Variants in ADGRG5 observed in about 807,000 individuals in gnomAD.
ADGRG5 encodes the protein G protein-coupled receptor 114.
In ADGRG5, 37 loss-of-function variants were observed where a neutral mutation model predicts 53.2. That is an observed-to-expected ratio of 0.70 (90% CI 0.53 to 0.91). The LOEUF is 0.91. Among genes scored for constraint, ADGRG5 ranks in the 40% least tolerant of loss-of-function variants. The pLI, the probability that ADGRG5 is intolerant of heterozygous loss-of-function variation, is 0.00. For missense variants in ADGRG5, 614 were observed against 675.8 expected, an observed-to-expected ratio of 0.91 and a Z score of 1.01; for synonymous variants, 277 against 290.4, an observed-to-expected ratio of 0.95 and a Z score of 0.47.
chr16:57,562,410 A>T lies in ADGRG5; in HGVS notation c.91A>T (p.Met31Leu), dbSNP rs114089767. ...TETWEELLSY[M>L]ENMQVSRGRS... is the part of the protein sequence containing the mutation. ...GACATGGGAAGAACTCCTGAGCTAC[A>T]TGGAGAATATGCAGGTGTCCAGGGG... Residue 31 changes from methionine (M) to leucine (L), a missense_variant, in exon 3 of 12, where the codon ATG (methionine) becomes TTG (leucine). Met to Leu is a conservative substitution (Grantham distance 15). Transcript: ENST00000349457. 311 of 1,607,648 alleles carry T rather than the reference A, an allele frequency of 1.9e-4. 2 individuals carry two copies. The African/African-American group carries it at 3.7e-3, about 19-fold the overall frequency.
chr16:57,547,746 C>CTGTTTTT (rs200706810), intron 1 of ADGRG5, among the ~76,000 whole-genome samples: 12,432 of 151,796 alleles, frequency 0.082, 690 homozygotes, highest in East Asian at 0.21. Context: ...TGCGCCCAGC[C>CTGTTTTT]TGTTTTTTGT....
chr16:57,550,167 G>C (rs574449111), intron 1 of ADGRG5, among the ~76,000 whole-genome samples: 1 of 152,112 alleles, frequency 6.6e-6, no homozygotes, highest in African/African-American at 2.4e-5. Context: ...AGTAGAGACA[G>C]GGGTTTCACC....
chr16:57,544,057 TTTCTC>T (rs1426956828), intron 1 of ADGRG5, among the ~76,000 whole-genome samples: 1 of 152,172 alleles, frequency 6.6e-6, no homozygotes. Flanking sequence ...CAGCTCCTCA[TTTCTC>T]TATTGGCCTA....
At chr16:57,541,456 G>A (rs147776064), upstream of ADGRG5, among the ~76,000 whole-genome samples, 282 of 152,294 alleles carry the variant, frequency 1.9e-3, no homozygotes, top group Non-Finnish European at 3.4e-3. Context: ...CCAGGAGTCA[G>A]GACACAGGTG....
intron 10 of ADGRG5, among the ~76,000 whole-genome samples, 159 bp downstream of exon 10, chr16:57,570,694 T>A (rs775709686): frequency 1.5e-4 from 23 of 152,136 alleles, no homozygotes; most frequent in Non-Finnish European, 2.5e-4. Context: ...CTCCACCACA[T>A]CCCTTCCATG....
intron 1 of ADGRG5, among the ~76,000 whole-genome samples, chr16:57,553,661 A>G (rs1400073159): frequency 6.6e-6 from 1 of 152,202 alleles, no homozygotes; most frequent in Non-Finnish European, 1.5e-5. Context: ...TTGTCAATTC[A>G]AGATCCTTTG....
chr16:57,575,605 C>A lies in ADGRG5; in HGVS notation c.*67C>A. ...CAGTAGCCTGAGGCTACGGCTCCTG[C>A]TAGAGAGGGTGGCAGGCCTGCTGCT... On this transcript the variant is annotated 3_prime_UTR_variant, in exon 12 of 12. Transcript: ENST00000349457. 7.6e-7 allele frequency: 1 copy of A among 1,319,218 alleles called. No individual in the cohort carries two copies. Among genetic ancestry groups the A allele is most frequent in the Non-Finnish European group, 1.1e-6 (1 of 920,046 alleles). The allele number at this position is 1,319,218 out of a possible 1,614,324, so 81.7% of individuals were successfully genotyped here.
upstream of ADGRG5, among the ~76,000 whole-genome samples, chr16:57,538,168 G>A (rs1264370950): frequency 6.6e-6 from 1 of 152,194 alleles, no homozygotes; most frequent in Non-Finnish European, 1.5e-5. Flanking sequence ...TTTTGCAGGG[G>A]CTAGGGTGGG....
At chr16:57,544,588 T>G (rs2032572107) in intron 1 of ADGRG5, among the ~76,000 whole-genome samples, 3 of 152,170 alleles carry the variant, frequency 2.0e-5, no homozygotes, top group Admixed American at 2.0e-4. Flanking sequence ...GAGCCTGGTC[T>G]TACACCTTGC....
At chr16:57,557,442 T>C (rs1313601757) in intron 1 of ADGRG5, among the ~76,000 whole-genome samples, 1 of 152,264 alleles carries the variant, frequency 6.6e-6, no homozygotes, top group Admixed American at 6.5e-5. Flanking sequence ...TGTGTTTTTC[T>C]TTGCATTTAT....
In ADGRG5 at chr16:57,574,826, G is replaced by A. The variant is rs142292696; in HGVS notation, c.1220G>A (p.Arg407Gln). 9.5e-6 allele frequency: 15 copies of A among 1,581,638 alleles called. No homozygotes were observed. The highest frequency in any genetic ancestry group is 1.7e-5 in the Admixed American group (1 of 58,138). ...GFQNMSICWV[R>Q]SPVVHSVLVM... ...ACCCTCCCCTGCAGATGCTGGGTGC[G>A]GAGCCCCGTGGTGCACAGTGTCCTG... is the stretch of plus-strand genomic sequence containing the variant. The change falls in exon 11 of 12, where the codon CGG becomes CAG. Residue 407 changes from arginine (R) to glutamine (Q), a missense_variant. Transcript: ENST00000349457. The surrounding 1 kb of genome is among the most constrained non-coding windows in gnomAD (Gnocchi z 4.4).
Position 57,549,935 on chromosome 16 carries a change from T to C in ADGRG5, c.-39+7234T>C, listed in dbSNP as rs75514058. ...GTGGTTTTTATATGCATTTCTCTAA[T>C]GACTAATGATATTGAGTGTTTCTCA... On this transcript the variant is annotated intron_variant, in intron 1 of 11. Transcript: ENST00000349457. Among the ~76,000 whole-genome samples, 1,132 of 152,360 alleles carry C rather than the reference T, an allele frequency of 7.4e-3. 8 individuals carry two copies. The highest frequency in any genetic ancestry group is 0.027 in the South Asian group (130 of 4,830).
chr16:57,529,098 G>A, the ADGRG5 span: 2 of 1,177,576 alleles, frequency 1.7e-6, no homozygotes, highest in African/African-American at 1.6e-5. This position sits in a 1 kb window ranked among gnomAD's most constrained non-coding sequence, Gnocchi z 4.1. Flanking sequence ...CTCCGGCGAC[G>A]GGCTGCCCAG....
At position 57,561,226 on chromosome 16, in the gene ADGRG5, T is replaced by A. The variant is rs2032992641; in HGVS notation, c.-38-830T>A. ...CCCACTGCAGGCACTTGGGTTCAACTTTTTTTGGTCTGCTAAACGTCTTAC... is the reference window on the plus strand; with the variant it reads ...CCCACTGCAGGCACTTGGGTTCAACATTTTTTGGTCTGCTAAACGTCTTAC... On this transcript the variant is annotated intron_variant, in intron 1 of 11. Transcript: ENST00000349457. Among the ~76,000 whole-genome samples, 3 of 152,226 alleles carry A rather than the reference T, an allele frequency of 2.0e-5. 1 individual carries two copies. The South Asian group carries it at 6.2e-4, about 32-fold the overall frequency.
intron 1 of ADGRG5, among the ~76,000 whole-genome samples, chr16:57,543,981 C>G (rs1241523581): frequency 6.6e-6 from 1 of 152,170 alleles, no homozygotes; most frequent in Non-Finnish European, 1.5e-5. Flanking sequence ...GTCACACAGC[C>G]TAGGCACTGA....
At chr16:57,567,221 C>A (rs2033158806) in intron 7 of ADGRG5, among the ~76,000 whole-genome samples, 1 of 152,204 alleles carries the variant, frequency 6.6e-6, no homozygotes, top group African/African-American at 2.4e-5. Context: ...ACAAAGAGGG[C>A]AAAGTGGTGG....
chr16:57,552,250 T>C lies in ADGRG5; in HGVS notation c.-39+9549T>C, dbSNP rs528173394. On this transcript the variant is annotated intron_variant, in intron 1 of 11. Coordinates refer to ENST00000349457, the MANE Select transcript of ADGRG5 (RefSeq NM_001304376.3). ...CTGCATTACCCGCTAACAAGGGAGT[T>C]AGCCTGTCCTTTGAAGCTTTGAAAC... Among the ~76,000 whole-genome samples the C allele has an allele frequency of 3.9e-5, 6 of 152,310 alleles. No individual in the cohort carries two copies. The East Asian group carries it at 1.2e-3, about 29-fold the overall frequency.
At chr16:57,548,501 A>G (rs377610030) in intron 1 of ADGRG5, among the ~76,000 whole-genome samples, 1 of 152,146 alleles carries the variant, frequency 6.6e-6, no homozygotes, top group East Asian at 1.9e-4. Flanking sequence ...TTGCAATTTT[A>G]TGACATGATA....
At chr16:57,558,360 C>T (rs1567617348) in intron 1 of ADGRG5, among the ~76,000 whole-genome samples, 3 of 152,232 alleles carry the variant, frequency 2.0e-5, no homozygotes, top group African/African-American at 7.2e-5. Context: ...TTGTGTTCAG[C>T]ATGAGGACTT....
Sources: allele counts gnomAD v4.1 joint callset (sites outside exome capture counted in the v4.1 genomes callset), GRCh38; gene constraint gnomAD v4.1.1; non-coding constraint Gnocchi (gnomAD v3.1); transcripts MANE v1.5; gene names NCBI Gene and HGNC (gene_info 2026-07-23, HGNC 2026-07-21).